Variants in UNC5D observed in about 807,000 individuals in gnomAD.
UNC5D encodes netrin receptor UNC5D.
A neutral mutation model predicts 105.4 loss-of-function variants in UNC5D; 39 were observed. The ratio of observed to expected loss-of-function variants is 0.37; its 90% CI spans 0.29 to 0.48. UNC5D has a LOEUF of 0.48. UNC5D is among the 20% of genes least tolerant of loss of function. The pLI, the probability that UNC5D is intolerant of heterozygous loss-of-function variation, is 0.98. For missense variants in UNC5D, 991 were observed against 1,202.4 expected (o/e 0.82, Z 2.60); for synonymous variants, 452 against 450.4 (o/e 1.00, Z -0.04).
intron 8 of UNC5D, among the ~76,000 whole-genome samples, chr8:35,710,934 C>CTTTTTTTTTTTTTTTTT (rs775014566): frequency 4.4e-5 from 5 of 114,382 alleles, no homozygotes; most frequent in African/African-American, 2.0e-4. Context: ...CAGCATTATT[C>CTTTTTTTTTTTTTTTTT]TTTTTTTTTT....
chr8:35,262,639 G>A (rs898480752), intron 1 of UNC5D, among the ~76,000 whole-genome samples: 3 of 152,168 alleles, frequency 2.0e-5, no homozygotes, highest in African/African-American at 7.2e-5. Context: ...TAGTTTCTGG[G>A]ATTGAGAATT....
At chr8:35,544,282 G>A (rs1815483479) in intron 1 of UNC5D, 7 of 1,232,084 alleles carry the variant, frequency 5.7e-6, no homozygotes, top group Non-Finnish European at 7.7e-6. Flanking sequence ...GATGGCATTA[G>A]GATTTAATTA....
chr8:35,568,676 G>A (rs1001759415), intron 3 of UNC5D, among the ~76,000 whole-genome samples: 3 of 152,208 alleles, frequency 2.0e-5, no homozygotes, highest in East Asian at 1.9e-4. Context: ...GTGACAGAAC[G>A]AGAGAGACTC....
chr8:35,485,165 A>G (rs996842219), intron 1 of UNC5D, among the ~76,000 whole-genome samples: 1 of 152,222 alleles, frequency 6.6e-6, no homozygotes. Context: ...CAAAGAAAGC[A>G]GGACAGGCAA....
chr8:35,573,060 C>A (rs943335937), intron 3 of UNC5D, among the ~76,000 whole-genome samples: 13 of 152,170 alleles, frequency 8.5e-5, no homozygotes, highest in African/African-American at 2.9e-4. Flanking sequence ...GCATCAGCCT[C>A]CCAAAGTGCT....
intron 4 of UNC5D, among the ~76,000 whole-genome samples, chr8:35,632,597 G>A (rs1046617239): frequency 7.2e-5 from 11 of 152,212 alleles, no homozygotes; most frequent in African/African-American, 2.7e-4. Flanking sequence ...GGTAAGAGGA[G>A]AAATTGGATT....
chr8:35,554,629 C>T (rs1816402823), intron 2 of UNC5D, among the ~76,000 whole-genome samples: 1 of 152,220 alleles, frequency 6.6e-6, no homozygotes, highest in Non-Finnish European at 1.5e-5. Context: ...ACAAACCAAA[C>T]ATATCTTGGC....
At chr8:35,492,096 C>CTT (rs547762251) in intron 1 of UNC5D, among the ~76,000 whole-genome samples, 1 of 141,792 alleles carries the variant, frequency 7.1e-6, no homozygotes, top group Admixed American at 7.1e-5. Context: ...CACTTTTCTT[C>CTT]TTTTTTTTTT....
intron 4 of UNC5D, among the ~76,000 whole-genome samples, chr8:35,655,209 C>G (rs371953520): frequency 6.6e-6 from 1 of 152,188 alleles, no homozygotes; most frequent in Non-Finnish European, 1.5e-5. Flanking sequence ...AGCTATCATT[C>G]TCTCTGTAAT....
At chr8:35,763,916 A>T (rs1386629352) in intron 14 of UNC5D, among the ~76,000 whole-genome samples, 1 of 152,198 alleles carries the variant, frequency 6.6e-6, no homozygotes, top group Admixed American at 6.5e-5. Context: ...TAATAAATGC[A>T]GAGTTCCTAG....
intron 1 of UNC5D, among the ~76,000 whole-genome samples, chr8:35,481,589 G>A (rs2579882): frequency 0.25 from 37,649 of 151,964 alleles, 5,091 homozygotes; most frequent in African/African-American, 0.37. Flanking sequence ...TGCTTCCCTC[G>A]CTGTTACATC....
intron 1 of UNC5D, among the ~76,000 whole-genome samples, chr8:35,473,407 G>A (rs913409977): frequency 2.0e-5 from 3 of 152,186 alleles, no homozygotes; most frequent in African/African-American, 7.2e-5. Flanking sequence ...CTGGCACGTG[G>A]TATGCATCCA....
intron 1 of UNC5D, among the ~76,000 whole-genome samples, chr8:35,465,393 A>G (rs538336826): frequency 4.0e-4 from 61 of 150,818 alleles, no homozygotes; most frequent in African/African-American, 1.4e-3. Flanking sequence ...CCAACCTCAA[A>G]AGAATATTGT....
chr8:35,240,359 A>C (rs1802728716), intron 1 of UNC5D, among the ~76,000 whole-genome samples: 1 of 152,166 alleles, frequency 6.6e-6, no homozygotes, highest in South Asian at 2.1e-4. Flanking sequence ...ACATTTCTGC[A>C]ACTTTGTTTG....
intron 1 of UNC5D, among the ~76,000 whole-genome samples, chr8:35,392,527 T>C (rs777755363): frequency 5.3e-5 from 8 of 152,202 alleles, no homozygotes; most frequent in Non-Finnish European, 1.2e-4. Context: ...CCCCTCCCTC[T>C]ATCTTTAAAG....
chr8:35,449,404 A>G (rs1390798527), intron 1 of UNC5D, among the ~76,000 whole-genome samples: 1 of 152,064 alleles, frequency 6.6e-6, no homozygotes, highest in African/African-American at 2.4e-5. Flanking sequence ...ATGTCAGCTC[A>G]TTCAGGAAGC....
rs117946711 is a variant in UNC5D, at chr8:35,327,814, A to G, written c.103+91927A>G. Among the ~76,000 whole-genome samples, 43 of 152,298 alleles carry G rather than the reference A, an allele frequency of 2.8e-4. No homozygotes were observed. The East Asian group carries it at 8.3e-3, about 29-fold the overall frequency. On this transcript the variant is annotated intron_variant, in intron 1 of 16. Transcript: ENST00000404895. ...CTGGTCAGTTGATTTCACAAGTACA[A>G]TGTTGCAAGAGTCATTTATCAGAAG...
At chr8:35,272,205 A>G (rs1287756837) in intron 1 of UNC5D, among the ~76,000 whole-genome samples, 1 of 152,206 alleles carries the variant, frequency 6.6e-6, no homozygotes, top group Non-Finnish European at 1.5e-5. Context: ...AATGATGTTT[A>G]AAAAGTAACT....
chr8:35,359,574 T>C (rs1475108846), intron 1 of UNC5D, among the ~76,000 whole-genome samples: 1 of 152,204 alleles, frequency 6.6e-6, no homozygotes, highest in African/African-American at 2.4e-5. Flanking sequence ...TTTCCACTTA[T>C]ACCATACATG....
Sources: gnomAD v4.1 joint callset for allele counts (sites outside exome capture counted in the v4.1 genomes callset) on GRCh38, gnomAD v4.1.1 for gene constraint, MANE v1.5 for transcripts, NCBI Gene and HGNC (gene_info 2026-07-23, HGNC 2026-07-21) for gene names.